Variants in VEGFC observed in about 807,000 individuals in gnomAD.
The protein encoded by VEGFC is FLT4 ligand DHM.
Under a neutral mutation model 46.1 loss-of-function variants are expected in VEGFC, and 12 were observed. The observed-to-expected ratio is 0.26, with a 90% CI of 0.17 to 0.42. The LOEUF (loss-of-function observed/expected upper bound fraction) is 0.42. Ranked by LOEUF, VEGFC falls within the 10% of genes least tolerant of loss-of-function variation. The pLI is 1.00. For synonymous variants in VEGFC, 232 were observed against 195.5 expected (o/e 1.19, Z -1.56); for missense variants, 488 against 529.4 (o/e 0.92, Z 0.77).
intron 4 of VEGFC, among the ~76,000 whole-genome samples, chr4:176,699,603 G>GTCCCAAATATC (rs1734389519): frequency 6.6e-6 from 1 of 152,086 alleles, no homozygotes; most frequent in African/African-American, 2.4e-5. Context: ...CAACAATTTT[G>GTCCCAAATATC]TCCCAAATAT....
chr4:176,785,988 AATC>A (rs67075501), intron 1 of VEGFC, among the ~76,000 whole-genome samples: 107,109 of 151,548 alleles, frequency 0.71, 43,831 homozygotes, highest in East Asian at 0.99. Context: ...AGTCAAAAGT[AATC>A]ACCACTATCA....
chr4:176,687,138 A>G, intron 6 of VEGFC, 49 bp downstream of exon 6: 1 of 1,553,656 alleles, frequency 6.4e-7, no homozygotes, highest in African/African-American at 1.4e-5. Context: ...TTTGGTTTAG[A>G]GCATATTTCT....
At chr4:176,720,640 G>C (rs72713948) in intron 3 of VEGFC, among the ~76,000 whole-genome samples, 199 of 152,044 alleles carry the variant, frequency 1.3e-3, no homozygotes, top group Non-Finnish European at 2.2e-3. Flanking sequence ...GGAGTTTCTA[G>C]ACCAGCCTGG....
Position 176,687,829 on chromosome 4 carries a change from G to A in VEGFC, c.803C>T (p.Ala268Val), listed in dbSNP as rs1304972502. 1 of 1,609,684 alleles carries A rather than the reference G, an allele frequency of 6.2e-7. No individual in the cohort carries two copies. ...AQEDFMFSSD[A>V]GDDSTDGFHD... is the part of the protein sequence containing the mutation. ...AGCATCATTCTGCTTACCATCTCCA[G>A]CATCCGAGGAAAACATAAAATCTTC... Residue 268 changes from alanine (A) to valine (V), a missense_variant, in exon 5 of 7, where the codon GCT becomes GTT. Coordinates refer to ENST00000618562, the MANE Select transcript of VEGFC (RefSeq NM_005429.5).
At chr4:176,692,069 C>T (rs531057116) in intron 4 of VEGFC, among the ~76,000 whole-genome samples, 3 of 152,106 alleles carry the variant, frequency 2.0e-5, no homozygotes, top group African/African-American at 4.8e-5. Context: ...GTCACTCCCA[C>T]CCGAATACTG....
intron 4 of VEGFC, 41 bp downstream of exon 4, chr4:176,711,458 T>C: frequency 6.4e-7 from 1 of 1,565,688 alleles, no homozygotes; most frequent in Non-Finnish European, 8.7e-7. Flanking sequence ...AATTTAATAT[T>C]AGTAGAGGAT....
intron 4 of VEGFC, among the ~76,000 whole-genome samples, chr4:176,698,286 C>T (rs1380239309): frequency 2.6e-5 from 4 of 151,892 alleles, no homozygotes; most frequent in African/African-American, 9.7e-5. Context: ...TTTCTTGACT[C>T]CTCAAATCCA....
intron 3 of VEGFC, among the ~76,000 whole-genome samples, chr4:176,714,691 T>G (rs1734669011): frequency 6.6e-6 from 1 of 152,164 alleles, no homozygotes; most frequent in Admixed American, 6.5e-5. Flanking sequence ...CCCTTCCAGA[T>G]TCTGCCCCAG....
Position 176,745,436 on chromosome 4 carries a change from A to G in VEGFC, c.148-15690T>C, listed in dbSNP as rs569562819. On this transcript the variant is annotated intron_variant, in intron 1 of 6. Coordinates refer to ENST00000618562, the MANE Select transcript of VEGFC (RefSeq NM_005429.5). ...GCTGCGTGTTCCACCTGAACCTGCC[A>G]GGAACCGAGGATTTATCTGCCTTCA... is the stretch of plus-strand genomic sequence containing the variant. Among the ~76,000 whole-genome samples the G allele has an allele frequency of 5.3e-5, 8 of 152,176 alleles. 1 individual carries two copies. In the South Asian group the frequency reaches 1.7e-3, roughly 32 times the overall value.
At chr4:176,775,865 G>A (rs914718920) in intron 1 of VEGFC, among the ~76,000 whole-genome samples, 2 of 151,856 alleles carry the variant, frequency 1.3e-5, no homozygotes, top group Non-Finnish European at 1.5e-5. Flanking sequence ...ATGGTCAAGG[G>A]TCATTCCCAC....
chr4:176,730,394 T>A (rs1343358679), intron 1 of VEGFC, among the ~76,000 whole-genome samples: 1 of 152,166 alleles, frequency 6.6e-6, no homozygotes, highest in Non-Finnish European at 1.5e-5. Context: ...TACATAAGTA[T>A]ACTCATTTAA....
intron 3 of VEGFC, 33 bp downstream of exon 3, chr4:176,727,745 C>T: frequency 6.3e-7 from 1 of 1,579,624 alleles, no homozygotes; most frequent in Non-Finnish European, 8.6e-7. Context: ...ATTAAGGGGG[C>T]TCTCGCAGGT....
chr4:176,703,252 A>C (rs1734466298), intron 4 of VEGFC, among the ~76,000 whole-genome samples: 1 of 152,142 alleles, frequency 6.6e-6, no homozygotes, highest in South Asian at 2.1e-4. Flanking sequence ...GTTAAAAATA[A>C]AGAAAATCTG....
intron 1 of VEGFC, among the ~76,000 whole-genome samples, chr4:176,755,222 G>C (rs561621189): frequency 1.3e-5 from 2 of 152,112 alleles, no homozygotes; most frequent in Admixed American, 6.6e-5. Flanking sequence ...GTAGATACCA[G>C]TCCAACTTTC....
chr4:176,770,648 T>C (rs1735705463), intron 1 of VEGFC, among the ~76,000 whole-genome samples: 1 of 152,102 alleles, frequency 6.6e-6, no homozygotes, highest in East Asian at 1.9e-4. Context: ...TCTATTTCTG[T>C]TATAGTGTCC....
chr4:176,688,617 T>TC (rs1271333190), intron 4 of VEGFC, among the ~76,000 whole-genome samples: 2 of 143,560 alleles, frequency 1.4e-5, no homozygotes, highest in African/African-American at 5.0e-5. Context: ...TTCCTTCCCT[T>TC]CCCCTCCTTT....
intron 1 of VEGFC, among the ~76,000 whole-genome samples, chr4:176,739,963 G>A (rs1368864197): frequency 6.0e-5 from 1 of 16,716 alleles, no homozygotes; most frequent in Admixed American, 9.8e-4. Flanking sequence ...CTATATATTC[G>A]ATATATCGAA....
chr4:176,729,409 T>C, intron 2 of VEGFC, 124 bp downstream of exon 2: 1 of 739,584 alleles, frequency 1.4e-6, no homozygotes, highest in South Asian at 2.3e-5. Context: ...TTCTTTATTT[T>C]CTATTTGCTT....
At chr4:176,779,513 G>C (rs955166350) in intron 1 of VEGFC, among the ~76,000 whole-genome samples, 5 of 152,058 alleles carry the variant, frequency 3.3e-5, no homozygotes, top group African/African-American at 1.2e-4. Flanking sequence ...TGCATAACAC[G>C]TGTCTAAAAT....
Sources: allele counts gnomAD v4.1 joint callset (sites outside exome capture counted in the v4.1 genomes callset), GRCh38; gene constraint gnomAD v4.1.1; transcripts MANE v1.5; gene names NCBI Gene and HGNC (gene_info 2026-07-23, HGNC 2026-07-21).